Variants in PTPRT observed in about 807,000 individuals in gnomAD.
PTPRT encodes receptor-type tyrosine-protein phosphatase T.
In PTPRT, 56 loss-of-function variants were observed where a neutral mutation model predicts 176.8. That is an observed-to-expected ratio of 0.32 (90% confidence interval 0.26 to 0.40). The LOEUF (loss-of-function observed/expected upper bound fraction) is 0.40, where lower values mean the gene tolerates loss of function less well. PTPRT is among the 10% of genes least tolerant of loss of function. The pLI is 1.00. For synonymous variants in PTPRT, 783 were observed against 739.0 expected (o/e 1.06, Z -0.96); for missense variants, 1,540 against 1,908.2 (o/e 0.81, Z 3.60).
At chr20:42,648,916 T>G (rs1457114991) in intron 7 of PTPRT, among the ~76,000 whole-genome samples, 2 of 149,616 alleles carry the variant, frequency 1.3e-5, no homozygotes, top group Admixed American at 6.7e-5. Flanking sequence ...CCTCCCGGGT[T>G]CATGCCATTC....
At chr20:43,149,012 A>G (rs2014260164) in intron 1 of PTPRT, among the ~76,000 whole-genome samples, 1 of 152,224 alleles carries the variant, frequency 6.6e-6, no homozygotes, top group Non-Finnish European at 1.5e-5. Flanking sequence ...AACTGGGGGA[A>G]AGAAAAAAAT....
chr20:42,969,627 A>G (rs1982500883), intron 1 of PTPRT: 1 of 152,226 alleles, frequency 6.6e-6, no homozygotes, highest in Non-Finnish European at 1.5e-5. Context: ...AGAATTCTGA[A>G]TCCTCAAAAG....
intron 9 of PTPRT, among the ~76,000 whole-genome samples, chr20:42,399,039 A>T (rs1461207433): frequency 2.0e-5 from 3 of 152,236 alleles, no homozygotes; most frequent in Non-Finnish European, 4.4e-5. Flanking sequence ...GTGGCCCCAG[A>T]CACTGGGAGG....
intron 9 of PTPRT, among the ~76,000 whole-genome samples, chr20:42,401,192 T>C (rs185148439): frequency 6.6e-6 from 1 of 151,866 alleles, no homozygotes; most frequent in East Asian, 1.9e-4. Context: ...AAAAAGTCTC[T>C]ATCGGGATGG....
chr20:42,323,999 T>C (rs1383628465), intron 11 of PTPRT, among the ~76,000 whole-genome samples: 6 of 152,286 alleles, frequency 3.9e-5, no homozygotes, highest in African/African-American at 1.4e-4. Context: ...ACCATTCATC[T>C]AGTTATTCCA....
At chr20:42,267,253 C>T (rs2056854971) in intron 13 of PTPRT, among the ~76,000 whole-genome samples, 1 of 152,142 alleles carries the variant, frequency 6.6e-6, no homozygotes, top group Admixed American at 6.5e-5. Context: ...CAACTTCAGG[C>T]TAATGTAAGT....
chr20:42,620,590 G>T (rs565724736), intron 7 of PTPRT, among the ~76,000 whole-genome samples: 18 of 152,152 alleles, frequency 1.2e-4, no homozygotes, highest in African/African-American at 4.3e-4. Flanking sequence ...AGCAGTCAGC[G>T]AGATTCCGTG....
intron 20 of PTPRT, among the ~76,000 whole-genome samples, 160 bp downstream of exon 20, chr20:42,119,775 C>T (rs1382371138): frequency 6.6e-6 from 1 of 152,200 alleles, no homozygotes; most frequent in African/African-American, 2.4e-5. Flanking sequence ...GGCTTCTTTG[C>T]TGGTGGAAAC....
intron 2 of PTPRT, among the ~76,000 whole-genome samples, chr20:42,849,152 T>C (rs1322400640): frequency 6.6e-6 from 1 of 152,196 alleles, no homozygotes; most frequent in African/African-American, 2.4e-5. Flanking sequence ...AGTTCTCTAT[T>C]CTGTTCCACT....
chr20:42,424,496 G>T (rs1427517777), intron 9 of PTPRT, among the ~76,000 whole-genome samples: 1 of 152,098 alleles, frequency 6.6e-6, no homozygotes, highest in Non-Finnish European at 1.5e-5. Flanking sequence ...GTCTGAGGGG[G>T]CTCGCTGTGC....
intron 1 of PTPRT, among the ~76,000 whole-genome samples, chr20:42,886,240 T>G (rs1298428700): frequency 6.6e-6 from 1 of 152,160 alleles, no homozygotes; most frequent in African/African-American, 2.4e-5. Context: ...GAAAAATGAA[T>G]GCAGGGGCAT....
At chr20:43,149,805 C>T (rs1229629805) in intron 1 of PTPRT, among the ~76,000 whole-genome samples, 2 of 152,314 alleles carry the variant, frequency 1.3e-5, no homozygotes, top group East Asian at 3.9e-4. Context: ...GACAGTTCAC[C>T]AGATCTGCTG....
At chr20:42,430,697 A>G (rs1310747853) in intron 9 of PTPRT, among the ~76,000 whole-genome samples, 3 of 152,186 alleles carry the variant, frequency 2.0e-5, no homozygotes, top group African/African-American at 7.2e-5. Flanking sequence ...TTGCTATTGA[A>G]GGGCAAAGGG....
intron 1 of PTPRT, among the ~76,000 whole-genome samples, chr20:43,139,960 T>G (rs1229764574): frequency 6.6e-6 from 1 of 152,200 alleles, no homozygotes. Flanking sequence ...AACATTTGCA[T>G]GAAGATAATC....
chr20:42,773,678 T>C (rs1365305223), intron 4 of PTPRT, among the ~76,000 whole-genome samples: 1 of 152,210 alleles, frequency 6.6e-6, no homozygotes, highest in East Asian at 1.9e-4. Flanking sequence ...GGCTCTCCTG[T>C]ATAATTTTAT....
chr20:42,730,678 A>C (rs1239276429), intron 6 of PTPRT, among the ~76,000 whole-genome samples: 2 of 152,206 alleles, frequency 1.3e-5, no homozygotes, highest in African/African-American at 4.8e-5. Flanking sequence ...TACCCTATCA[A>C]TGCTGAATGC....
At chr20:42,130,153 C>G (rs76317488) in intron 18 of PTPRT, among the ~76,000 whole-genome samples, 3,402 of 152,280 alleles carry the variant, frequency 0.022, 126 homozygotes, top group African/African-American at 0.078. Flanking sequence ...ATGTTAGAAA[C>G]CACTTCAGAT....
At chr20:42,763,864 G>C (rs1394011339) in intron 5 of PTPRT, among the ~76,000 whole-genome samples, 2 of 152,188 alleles carry the variant, frequency 1.3e-5, no homozygotes, top group African/African-American at 4.8e-5. Context: ...TGATTTCTGG[G>C]TTTAGAACTC....
Position 42,145,548 on chromosome 20 carries a change from G to GATA in PTPRT, c.2683-3547_2683-3546insTAT, listed in dbSNP as rs1409006738. On this transcript the variant is annotated intron_variant, in intron 17 of 30. Coordinates refer to ENST00000373187, the MANE Select transcript of PTPRT (RefSeq NM_007050.6). ...TAGATAGATAGATAGATAGATAGAT[G>GATA]GATGTTGGGCTGGATTTAGCCTATG... 1.2e-4 allele frequency among the ~76,000 whole-genome samples: 12 copies of GATA among 96,334 alleles called. 1 individual carries two copies. Among genetic ancestry groups the GATA allele is most frequent in the South Asian group, 3.8e-4 (1 of 2,642 alleles). The allele number at this position is 96,334 out of a possible 152,430, so 63.2% of individuals were successfully genotyped here.
Sources: allele counts gnomAD v4.1 joint callset (sites outside exome capture counted in the v4.1 genomes callset), GRCh38; gene constraint gnomAD v4.1.1; transcripts MANE v1.5; gene names NCBI Gene and HGNC (gene_info 2026-07-23, HGNC 2026-07-21).